The following GPC5 variants were observed in gnomAD, a reference collection of about 807,000 sequenced individuals.
GPC5 encodes the protein glypican-5.
A neutral mutation model predicts 53.9 loss-of-function variants in GPC5; 47 were observed. That is an observed-to-expected ratio of 0.87 (90% CI 0.69 to 1.11). The LOEUF (loss-of-function observed/expected upper bound fraction) is 1.11, where lower values mean the gene tolerates loss of function less well. Ranked by LOEUF, GPC5 falls within the 50% of genes most tolerant of loss-of-function variation. GPC5 has a pLI of 0.00. For missense variants in GPC5, 748 were observed against 713.1 expected (o/e 1.05, Z -0.56); for synonymous variants, 286 against 263.3 (o/e 1.09, Z -0.84).
At chr13:92,322,358 C>A (rs2043221901) in intron 7 of GPC5, among the ~76,000 whole-genome samples, 1 of 151,606 alleles carries the variant, frequency 6.6e-6, no homozygotes, top group Non-Finnish European at 1.5e-5. Context: ...AAAATAAAGG[C>A]AAATTATATG....
intron 2 of GPC5, among the ~76,000 whole-genome samples, chr13:91,653,674 CT>C (rs1346106768): frequency 6.6e-6 from 1 of 152,092 alleles, no homozygotes; most frequent in Non-Finnish European, 1.5e-5. Context: ...TTCTCCCTAG[CT>C]TCCCCCTCTT....
chr13:92,105,198 A>G (rs148858639), intron 6 of GPC5, among the ~76,000 whole-genome samples: 1 of 152,200 alleles, frequency 6.6e-6, no homozygotes, highest in African/African-American at 2.4e-5. Flanking sequence ...GGAATTCACA[A>G]CTATGCGTTG....
chr13:92,815,879 G>A (rs1372519556), intron 7 of GPC5, among the ~76,000 whole-genome samples: 1 of 151,900 alleles, frequency 6.6e-6, no homozygotes, highest in Non-Finnish European at 1.5e-5. Flanking sequence ...AGAACATAGG[G>A]GAAAAACAGT....
At chr13:92,297,232 G>A (rs911749822) in intron 7 of GPC5, among the ~76,000 whole-genome samples, 4 of 152,122 alleles carry the variant, frequency 2.6e-5, no homozygotes, top group Admixed American at 6.5e-5. Context: ...TGCACCAATC[G>A]ACACTCTGTA....
chr13:92,675,716 T>TC (rs1261305113), intron 7 of GPC5, among the ~76,000 whole-genome samples: 1 of 152,140 alleles, frequency 6.6e-6, no homozygotes, highest in African/African-American at 2.4e-5. Context: ...TAATAAAGTT[T>TC]CCTCTCCAGG....
chr13:92,324,950 T>A (rs79279590), intron 7 of GPC5, among the ~76,000 whole-genome samples: 1 of 151,894 alleles, frequency 6.6e-6, no homozygotes, highest in South Asian at 2.1e-4. Context: ...TCTGAAAAAA[T>A]TATAAACTGA....
chr13:91,897,911 C>A (rs978049441), intron 5 of GPC5, among the ~76,000 whole-genome samples: 1 of 152,178 alleles, frequency 6.6e-6, no homozygotes, highest in East Asian at 1.9e-4. Flanking sequence ...AACACTTTAA[C>A]TGTGAGCTTC....
intron 5 of GPC5, among the ~76,000 whole-genome samples, chr13:91,765,546 G>A (rs1352397322): frequency 6.6e-6 from 1 of 152,204 alleles, no homozygotes; most frequent in Non-Finnish European, 1.5e-5. Flanking sequence ...CCAAATTCAA[G>A]ATACTGCAAT....
chr13:92,238,116 C>T (rs1427534315), intron 7 of GPC5, among the ~76,000 whole-genome samples: 1 of 151,810 alleles, frequency 6.6e-6, no homozygotes, highest in Non-Finnish European at 1.5e-5. Context: ...TATAAAAACG[C>T]TCCTATGAAT....
intron 6 of GPC5, among the ~76,000 whole-genome samples, chr13:92,066,366 G>A (rs1426685041): frequency 6.6e-6 from 1 of 151,190 alleles, no homozygotes; most frequent in Non-Finnish European, 1.5e-5. Flanking sequence ...TGAAAATGGG[G>A]ATATTAGGAA....
chr13:92,374,112 A>C (rs2043673292), intron 7 of GPC5, among the ~76,000 whole-genome samples: 1 of 152,188 alleles, frequency 6.6e-6, no homozygotes, highest in Non-Finnish European at 1.5e-5. Flanking sequence ...ATCGAACTTG[A>C]TAAATTCTTC....
intron 7 of GPC5, among the ~76,000 whole-genome samples, chr13:92,382,012 A>G (rs898350373): frequency 2.0e-5 from 3 of 149,990 alleles, no homozygotes; most frequent in South Asian, 2.1e-4. Flanking sequence ...CTATATATCT[A>G]TCTGATAGAG....
At chr13:92,160,144 A>C (rs892361334) in intron 7 of GPC5, among the ~76,000 whole-genome samples, 14 of 151,692 alleles carry the variant, frequency 9.2e-5, no homozygotes, top group Admixed American at 3.9e-4. Flanking sequence ...TCCTGACCTC[A>C]AGCGATCCAC....
At chr13:92,165,419 A>G (rs1211271319) in intron 7 of GPC5, among the ~76,000 whole-genome samples, 1 of 152,204 alleles carries the variant, frequency 6.6e-6, no homozygotes, top group Non-Finnish European at 1.5e-5. Flanking sequence ...TTTATGAAGA[A>G]AAAAGGTTTA....
chr13:92,211,749 C>T (rs1012670371), intron 7 of GPC5, among the ~76,000 whole-genome samples: 2 of 151,898 alleles, frequency 1.3e-5, no homozygotes. Flanking sequence ...AATAGGAGCT[C>T]CTCAATTAGA....
intron 7 of GPC5, among the ~76,000 whole-genome samples, chr13:92,576,504 A>C (rs1336645662): frequency 1.3e-5 from 2 of 152,212 alleles, no homozygotes; most frequent in Admixed American, 1.3e-4. Flanking sequence ...TGCTAGAGCA[A>C]GGTGTTCATC....
At chr13:92,650,755 G>C (rs1187369420) in intron 7 of GPC5, among the ~76,000 whole-genome samples, 1 of 152,054 alleles carries the variant, frequency 6.6e-6, no homozygotes, top group Non-Finnish European at 1.5e-5. Context: ...ATAATCATTG[G>C]TATACAGTGA....
intron 2 of GPC5, among the ~76,000 whole-genome samples, chr13:91,555,600 C>G (rs1415970836): frequency 6.6e-6 from 1 of 151,908 alleles, no homozygotes; most frequent in East Asian, 1.9e-4. Flanking sequence ...TTGGCCTTTG[C>G]GGGTAGGTTT....
chr13:92,635,070 T>C (rs1885370233), intron 7 of GPC5, among the ~76,000 whole-genome samples: 1 of 152,048 alleles, frequency 6.6e-6, no homozygotes, highest in South Asian at 2.1e-4. Context: ...AATATACATT[T>C]ATAGTTCTTA....
Sources: allele counts gnomAD v4.1 joint callset (sites outside exome capture counted in the v4.1 genomes callset), GRCh38; gene constraint gnomAD v4.1.1; transcripts MANE v1.5; gene names NCBI Gene and HGNC (gene_info 2026-07-23, HGNC 2026-07-21).